The following ATP11A variants were observed in gnomAD, a reference collection of about 807,000 sequenced individuals.
ATP11A encodes the protein phospholipid-transporting ATPase IH.
A neutral mutation model predicts 154.4 loss-of-function variants in ATP11A; 81 were observed. The observed-to-expected ratio is 0.52, with a 90% CI of 0.44 to 0.63. The LOEUF is 0.63. Among genes scored for constraint, ATP11A ranks in the 30% least tolerant of loss-of-function variants. The pLI is 0.00. For missense variants in ATP11A, 1,316 were observed against 1,474.3 expected (o/e 0.89, Z 1.76); for synonymous variants, 623 against 585.9 (o/e 1.06, Z -0.91).
chr13:112,700,504 C>CG lies in ATP11A; in HGVS notation c.39+10049_39+10050insG, dbSNP rs1886390742. The stretch of plus-strand genomic sequence containing the variant: ...CTGTGCCATCCTGTGACAGGGCAGC[C>CG]AGGTCTCATTGGCACTGGGTGCTGA... On this transcript the variant is annotated intron_variant, in intron 1 of 29. Coordinates refer to ENST00000375645, the MANE Select transcript of ATP11A (RefSeq NM_015205.3). 5.3e-5 allele frequency among the ~76,000 whole-genome samples: 8 copies of CG among 152,210 alleles called. No individual in the cohort carries two copies. The South Asian group carries it at 1.7e-3, about 32-fold the overall frequency.
rs911758226 is a variant in ATP11A at position 112,785,114 on chromosome 13, A to G, written c.40-21A>G. On this transcript the variant is annotated intron_variant, in intron 1 of 29. Coordinates refer to ENST00000375645, the MANE Select transcript of ATP11A (RefSeq NM_015205.3). This position sits in a 1 kb window ranked among gnomAD's most constrained non-coding sequence, Gnocchi z 4.8. ...ATGCAGGTTCTGAGGCAGCTGCCTA[A>G]CACCGCTCTCCTTTCCGCAGTGTGC... is the stretch of plus-strand genomic sequence containing the variant. The G allele has an allele frequency of 1.0e-5, 15 of 1,445,498 alleles. No individual in the cohort carries two copies. The highest frequency in any genetic ancestry group is 1.4e-5 in the Non-Finnish European group (15 of 1,093,002). 89.5% of individuals were successfully genotyped at this position (1,445,498 alleles called of 1,614,324 possible).
chr13:112,778,608 T>G (rs444448), intron 1 of ATP11A, among the ~76,000 whole-genome samples: 139 of 99,564 alleles, frequency 1.4e-3, no homozygotes, highest in Middle Eastern at 0.015. Flanking sequence ...AGCCGCTGGT[T>G]TGAGGAGTAG....
intron 1 of ATP11A, among the ~76,000 whole-genome samples, chr13:112,724,695 C>T (rs983713878): frequency 3.3e-5 from 5 of 152,220 alleles, no homozygotes; most frequent in Middle Eastern, 6.8e-3. Context: ...GCCGGCCCCC[C>T]CCCAGGAAGC....
chr13:112,849,299 T>C (rs1168527859), intron 17 of ATP11A, among the ~76,000 whole-genome samples: 1 of 152,234 alleles, frequency 6.6e-6, no homozygotes, highest in Non-Finnish European at 1.5e-5. Flanking sequence ...ACAGTTTTCT[T>C]GTAGGGTATT....
At chr13:112,880,615 C>A (rs956439768) in intron 29 of ATP11A, 1 of 1,298,380 alleles carries the variant, frequency 7.7e-7, no homozygotes, top group African/African-American at 1.5e-5. Flanking sequence ...GAAGGACCTC[C>A]TACGGCGGCC....
intron 25 of ATP11A, among the ~76,000 whole-genome samples, chr13:112,870,536 G>A (rs554301526): frequency 2.0e-5 from 3 of 152,128 alleles, no homozygotes; most frequent in South Asian, 4.1e-4. Context: ...GCGCCGCTAC[G>A]CCCGGCTAAT....
At chr13:112,738,343 A>T (rs951427589) in intron 1 of ATP11A, among the ~76,000 whole-genome samples, 14 of 151,776 alleles carry the variant, frequency 9.2e-5, no homozygotes, top group Non-Finnish European at 1.5e-5. Context: ...ACGGCACTCC[A>T]ACCTGGACGA....
chr13:112,691,458 T>G (rs1885162837), intron 1 of ATP11A, among the ~76,000 whole-genome samples: 1 of 126,374 alleles, frequency 7.9e-6, no homozygotes, highest in Non-Finnish European at 1.6e-5. Context: ...AGCGAGACTC[T>G]GTATCAAAAA....
intron 1 of ATP11A, among the ~76,000 whole-genome samples, chr13:112,768,067 C>T (rs564589199): frequency 2.6e-5 from 4 of 152,210 alleles, no homozygotes; most frequent in Admixed American, 1.3e-4. Context: ...CTGTTTCTTT[C>T]GTTTCTCCTG....
intron 2 of ATP11A, among the ~76,000 whole-genome samples, chr13:112,800,541 T>A (rs536324599): frequency 6.6e-6 from 1 of 152,218 alleles, no homozygotes; most frequent in South Asian, 2.1e-4. Flanking sequence ...ACTCAGATGT[T>A]TTCACTGGTG....
intron 25 of ATP11A, among the ~76,000 whole-genome samples, chr13:112,864,586 A>G (rs1293848486): frequency 1.6e-4 from 9 of 55,426 alleles, no homozygotes; most frequent in African/African-American, 7.6e-4. Context: ...AGCGGGGTCC[A>G]TCACCACCTG....
chr13:112,852,669 G>A (rs777043441), intron 18 of ATP11A, among the ~76,000 whole-genome samples: 45 of 152,096 alleles, frequency 3.0e-4, no homozygotes, highest in South Asian at 4.2e-4. Flanking sequence ...AGGCCTTGGT[G>A]GAGGAGCGTG....
At chr13:112,837,625 T>G (rs1033222046) in intron 16 of ATP11A, among the ~76,000 whole-genome samples, 3 of 152,182 alleles carry the variant, frequency 2.0e-5, no homozygotes, top group Non-Finnish European at 4.4e-5. Flanking sequence ...ACTCCCAGGC[T>G]GCATTTAGCT....
intron 1 of ATP11A, among the ~76,000 whole-genome samples, chr13:112,724,689 G>C (rs541123849): frequency 6.7e-6 from 1 of 150,178 alleles, no homozygotes; most frequent in South Asian, 2.1e-4. Context: ...GGTGAGGCCG[G>C]CCCCCCCCCA....
chr13:112,725,425 C>T (rs982223245), intron 1 of ATP11A, among the ~76,000 whole-genome samples: 2 of 152,196 alleles, frequency 1.3e-5, no homozygotes, highest in Non-Finnish European at 1.5e-5. Flanking sequence ...TCGCCCCCAT[C>T]GCCTGGCCCC....
intron 12 of ATP11A, 87 bp from the exon 13 acceptor site, chr13:112,831,287 TG>T: frequency 7.0e-7 from 1 of 1,435,646 alleles, no homozygotes; most frequent in Non-Finnish European, 9.6e-7. Flanking sequence ...CAGTGGGAGC[TG>T]GGGAGGAAAC....
intron 6 of ATP11A, among the ~76,000 whole-genome samples, chr13:112,818,806 C>T (rs1215805657): frequency 6.6e-6 from 1 of 152,234 alleles, no homozygotes; most frequent in Non-Finnish European, 1.5e-5. Flanking sequence ...GTAAAACTCA[C>T]GTTGAGACAG....
Position 112,816,077 on chromosome 13 carries a change from C to G in ATP11A, c.442-6C>G. On this transcript the variant is annotated splice_polypyrimidine_tract_variant and splice_region_variant and intron_variant, in intron 5 of 29. Coordinates refer to ENST00000375645, the MANE Select transcript of ATP11A (RefSeq NM_015205.3). ...CATTGACCATCCTTTCTGCTTTGTC[C>G]TGTAGGTTGGGGACATTGTCATGGT... The G allele has an allele frequency of 6.2e-7, 1 of 1,614,140 alleles. No individual in the cohort carries two copies. The highest frequency in any genetic ancestry group is 8.5e-7 in the Non-Finnish European group (1 of 1,180,024).
intron 24 of ATP11A, 105 bp from the exon 25 acceptor site, chr13:112,862,335 C>G: frequency 7.1e-7 from 1 of 1,401,032 alleles, no homozygotes; most frequent in East Asian, 2.3e-5. Context: ...CCGTGCACAT[C>G]TTATCCCATG....
Sources: gnomAD v4.1 joint callset for allele counts (sites outside exome capture counted in the v4.1 genomes callset) on GRCh38, gnomAD v4.1.1 for gene constraint, Gnocchi (gnomAD v3.1) non-coding constraint, MANE v1.5 for transcripts, NCBI Gene and HGNC (gene_info 2026-07-23, HGNC 2026-07-21) for gene names.